The following GALNT13 variants were observed in gnomAD, a reference collection of about 807,000 sequenced individuals.
The protein encoded by GALNT13 is UDP-GalNAc:polypeptide N-acetylgalactosaminyltransferase 13.
GALNT13 carries 28 observed loss-of-function variants against 64.2 expected under a neutral mutation model. That is an observed-to-expected ratio of 0.44 (90% confidence interval 0.32 to 0.60). The LOEUF (loss-of-function observed/expected upper bound fraction) is 0.60, where lower values mean the gene tolerates loss of function less well. Among genes scored for constraint, GALNT13 ranks in the 20% least tolerant of loss-of-function variants. The pLI, the probability that GALNT13 is intolerant of heterozygous loss-of-function variation, is 0.05. For synonymous variants in GALNT13, 214 were observed against 224.6 expected (o/e 0.95, Z 0.42); for missense variants, 577 against 669.8 (o/e 0.86, Z 1.53).
intron 3 of GALNT13, among the ~76,000 whole-genome samples, chr2:154,067,567 T>A (rs1411389076): frequency 1.3e-5 from 2 of 152,062 alleles, no homozygotes; most frequent in Admixed American, 6.6e-5. Context: ...GATAAATGGG[T>A]CAATTTAGCC....
At chr2:153,355,536 A>G in the GALNT13 span, among the ~76,000 whole-genome samples, 3 of 152,230 alleles carry the variant, frequency 2.0e-5, no homozygotes, top group Non-Finnish European at 4.4e-5. Context: ...ATAAAGTGAT[A>G]ATTATAAAAT....
At chr2:153,827,134 A>G in the GALNT13 span, among the ~76,000 whole-genome samples, 1 of 151,996 alleles carries the variant, frequency 6.6e-6, no homozygotes, top group Non-Finnish European at 1.5e-5. Flanking sequence ...AGCAAGTCAC[A>G]TCTTATGTGG....
chr2:153,403,466 C>T, the GALNT13 span, among the ~76,000 whole-genome samples: 1 of 152,218 alleles, frequency 6.6e-6, no homozygotes, highest in Non-Finnish European at 1.5e-5. Flanking sequence ...CCAGTTCGAG[C>T]TTCCTGGCTG....
chr2:153,862,293 G>A, the GALNT13 span, among the ~76,000 whole-genome samples: 39 of 152,136 alleles, frequency 2.6e-4, no homozygotes, highest in East Asian at 6.4e-3. Flanking sequence ...TAAAGGCCTG[G>A]AAAAAAATCT....
At chr2:153,667,490 G>C in the GALNT13 span, among the ~76,000 whole-genome samples, 72 of 152,066 alleles carry the variant, frequency 4.7e-4, no homozygotes, top group African/African-American at 1.7e-3. Flanking sequence ...TTAAAGAAAA[G>C]AAATTCCAAC....
At chr2:153,206,021 A>T in the GALNT13 span, among the ~76,000 whole-genome samples, 3 of 152,070 alleles carry the variant, frequency 2.0e-5, no homozygotes, top group African/African-American at 7.2e-5. Context: ...AGTGGAAAAA[A>T]ATTTTGTCCT....
the GALNT13 span, among the ~76,000 whole-genome samples, chr2:153,183,156 T>C: frequency 6.6e-6 from 1 of 152,202 alleles, no homozygotes; most frequent in African/African-American, 2.4e-5. Flanking sequence ...TTTGACTTCT[T>C]AATAATAGCC....
At chr2:153,800,452 C>T in the GALNT13 span, among the ~76,000 whole-genome samples, 1 of 151,976 alleles carries the variant, frequency 6.6e-6, no homozygotes, top group Non-Finnish European at 1.5e-5. Context: ...TAAAATAAGA[C>T]AATAATGAAG....
the GALNT13 span, among the ~76,000 whole-genome samples, chr2:153,617,840 A>C: frequency 6.6e-6 from 1 of 151,890 alleles, no homozygotes; most frequent in Admixed American, 6.6e-5. Context: ...ATTTATTGGC[A>C]TATAGTTGCT....
chr2:153,583,639 C>G, the GALNT13 span, among the ~76,000 whole-genome samples: 78,878 of 151,938 alleles, frequency 0.52, 22,611 homozygotes, highest in African/African-American at 0.77. Flanking sequence ...CCCAAGCTCT[C>G]AGTCTAACTT....
the GALNT13 span, among the ~76,000 whole-genome samples, chr2:153,398,316 C>G: frequency 6.6e-6 from 1 of 152,146 alleles, no homozygotes; most frequent in Non-Finnish European, 1.5e-5. Flanking sequence ...TTAATCCAGT[C>G]TATCATTGTT....
chr2:154,052,812 C>T (rs950272282), intron 3 of GALNT13, among the ~76,000 whole-genome samples: 6 of 150,602 alleles, frequency 4.0e-5, no homozygotes, highest in African/African-American at 1.5e-4. Flanking sequence ...TCTTGGCTCA[C>T]TGCAAGCTCC....
chr2:153,203,331 CTG>C, the GALNT13 span, among the ~76,000 whole-genome samples: 1 of 152,096 alleles, frequency 6.6e-6, no homozygotes, highest in Non-Finnish European at 1.5e-5. Context: ...AATTTTCTGA[CTG>C]TTATAAATTG....
In GALNT13 at chr2:154,016,143, C is replaced by A. The variant is rs569405950; in HGVS notation, c.142+71504C>A. Among the ~76,000 whole-genome samples, 30 of 152,184 alleles carry A rather than the reference C, an allele frequency of 2.0e-4. 1 individual carries two copies. The highest frequency in any genetic ancestry group is 5.1e-4 in the African/African-American group (21 of 41,532). On this transcript the variant is annotated intron_variant, in intron 3 of 12. Transcript: ENST00000392825. ...CATGACCCCTTGATTGATAATGGAG[C>A]GAAGCATTTAATACCTTAAGTCTAA...
At chr2:154,350,051 A>G (rs1218127055) in intron 9 of GALNT13, among the ~76,000 whole-genome samples, 1 of 152,152 alleles carries the variant, frequency 6.6e-6, no homozygotes, top group Admixed American at 6.5e-5. Context: ...AACCAGAAGA[A>G]ATTTTTATCA....
chr2:154,140,222 A>T (rs1683181130), intron 3 of GALNT13, 115 bp from the exon 4 acceptor site: 2 of 724,096 alleles, frequency 2.8e-6, no homozygotes, highest in Non-Finnish European at 4.5e-6. Flanking sequence ...TCATTATATT[A>T]TAAAACCTGT....
rs1456915731 is a variant in GALNT13, at chr2:154,365,590, A to C, written c.1157-30401A>C. ...TGGAAACAATATATCTATTTCATAA[A>C]GTAAGGTGGACTTCTGTGACAAGAT... On this transcript the variant is annotated intron_variant, in intron 9 of 12. Transcript: ENST00000392825. Among the ~76,000 whole-genome samples the C allele has an allele frequency of 2.0e-5, 3 of 152,218 alleles. No homozygotes were observed. In the East Asian group the frequency reaches 5.8e-4, roughly 29 times the overall value.
chr2:153,262,948 C>T, the GALNT13 span, among the ~76,000 whole-genome samples: 1 of 151,974 alleles, frequency 6.6e-6, no homozygotes, highest in Non-Finnish European at 1.5e-5. Context: ...AAGTTCTGGC[C>T]AGGGCAATCA....
Position 154,450,799 on chromosome 2 carries a change from AAATTGTG to A in GALNT13, c.*249_*255del. ...TAAACAACAGAACAACTTGTAAAAC[AAATTGTG>A]TTTGCTTTAAGAAAAATGTTTATTG... On this transcript the variant is annotated 3_prime_UTR_variant, in exon 13 of 13. Coordinates refer to ENST00000392825, the MANE Select transcript of GALNT13 (RefSeq NM_052917.4). 1 of 352,076 alleles carries A rather than the reference AAATTGTG, an allele frequency of 2.8e-6. No individual in the cohort carries two copies. The highest frequency in any genetic ancestry group is 4.3e-5 in the Admixed American group (1 of 23,268). 21.8% of individuals were successfully genotyped at this position (352,076 alleles called of 1,614,324 possible). A position where few individuals can be genotyped will look rare whatever the true frequency, so the allele number is the denominator to read the frequency against.
Sources: gnomAD v4.1 joint callset for allele counts (sites outside exome capture counted in the v4.1 genomes callset) on GRCh38, gnomAD v4.1.1 for gene constraint, MANE v1.5 for transcripts, NCBI Gene and HGNC (gene_info 2026-07-23, HGNC 2026-07-21) for gene names.